The following WDFY4 variants were observed in gnomAD, a reference collection of about 807,000 sequenced individuals.
The protein encoded by WDFY4 is WD repeat- and FYVE domain-containing protein 4.
WDFY4 carries 169 observed loss-of-function variants against 351.9 expected under a neutral mutation model. The observed-to-expected ratio is 0.48, with a 90% CI of 0.42 to 0.55. The LOEUF (loss-of-function observed/expected upper bound fraction) is 0.55. WDFY4 is among the 20% of genes least tolerant of loss of function. The probability of loss-of-function intolerance (pLI) is 0.00; values close to 1 mark genes in which losing one functional copy is unlikely to be tolerated. For synonymous variants in WDFY4, 1,622 were observed against 1,574.6 expected (o/e 1.03, Z -0.71); for missense variants, 3,803 against 3,935.6 (o/e 0.97, Z 0.90).
At chr10:48,834,278 A>C (rs113659751) in intron 39 of WDFY4, among the ~76,000 whole-genome samples, 1 of 152,214 alleles carries the variant, frequency 6.6e-6, no homozygotes, top group African/African-American at 2.4e-5. Flanking sequence ...TCTGAAAAAA[A>C]AAAAGAAAGT....
intron 35 of WDFY4, 60 bp from the exon 36 acceptor site, chr10:48,826,611 T>C (rs773326567): frequency 6.2e-5 from 80 of 1,291,548 alleles, no homozygotes; most frequent in Non-Finnish European, 8.7e-5. Context: ...ACTGGATCTG[T>C]ATCTAAAATT....
intron 25 of WDFY4, 102 bp from the exon 26 acceptor site, chr10:48,805,158 G>A (rs781424411): frequency 3.7e-5 from 49 of 1,321,014 alleles, no homozygotes; most frequent in Admixed American, 4.9e-5. Flanking sequence ...GAGTTAAGGG[G>A]CCATGGAACA....
chr10:48,736,252 A>G (rs1281956367), intron 11 of WDFY4, 182 bp downstream of exon 11: 1 of 685,702 alleles, frequency 1.5e-6, no homozygotes, highest in African/African-American at 1.8e-5. Flanking sequence ...AGCCTGGTAC[A>G]TTTGAAATTT....
At chr10:48,857,938 C>T (rs973219702) in intron 39 of WDFY4, among the ~76,000 whole-genome samples, 1 of 151,990 alleles carries the variant, frequency 6.6e-6, no homozygotes, top group South Asian at 2.1e-4. Context: ...ATTACTGGCA[C>T]CTGCCACCAT....
At chr10:48,821,274 G>T in intron 34 of WDFY4, 98 bp downstream of exon 34, 1 of 952,704 alleles carries the variant, frequency 1.0e-6, no homozygotes, top group Non-Finnish European at 1.6e-6. Context: ...CTAGCTGTGG[G>T]ATGCTGCCTC....
intron 24 of WDFY4, among the ~76,000 whole-genome samples, chr10:48,802,178 T>C (rs1479647206): frequency 6.6e-6 from 1 of 151,834 alleles, no homozygotes; most frequent in Admixed American, 6.6e-5. Flanking sequence ...AATTAGAGAC[T>C]AGCCTGGGCA....
intron 30 of WDFY4, 81 bp from the exon 31 acceptor site, chr10:48,813,876 A>T (rs1565228624): frequency 7.2e-7 from 1 of 1,394,612 alleles, no homozygotes; most frequent in Non-Finnish European, 9.3e-7. Context: ...GAACCCCTGG[A>T]AACATGATGA....
At chr10:48,864,174 A>G (rs2069451685) in intron 39 of WDFY4, among the ~76,000 whole-genome samples, 1 of 152,204 alleles carries the variant, frequency 6.6e-6, no homozygotes, top group Admixed American at 6.5e-5. Context: ...GAGATCATGC[A>G]GATGTACTTT....
chr10:48,721,256 T>C lies in WDFY4; in HGVS notation c.350-5T>C. The C allele has an allele frequency of 1.9e-6, 3 of 1,551,550 alleles. No individual in the cohort carries two copies. The highest frequency in any genetic ancestry group is 2.6e-6 in the Non-Finnish European group (3 of 1,146,902). On this transcript the variant is annotated splice_region_variant and splice_polypyrimidine_tract_variant and intron_variant, in intron 3 of 61. Transcript: ENST00000325239. Reference sequence around the variant, plus strand: ...GTATGCCCTGCTGGTGACACTTTCTTCCAGAGCAAGCTCGGTTGGCAGCTG... The same window carrying C: ...GTATGCCCTGCTGGTGACACTTTCTCCCAGAGCAAGCTCGGTTGGCAGCTG...
chr10:48,687,781 ATT>A (rs35915325), intron 1 of WDFY4, among the ~76,000 whole-genome samples: 104 of 108,202 alleles, frequency 9.6e-4, no homozygotes, highest in Admixed American at 1.3e-3. Flanking sequence ...CACCTGGCTA[ATT>A]TTTTTTTTTT....
chr10:48,835,735 T>C (rs1352129990), intron 39 of WDFY4, among the ~76,000 whole-genome samples: 1 of 152,222 alleles, frequency 6.6e-6, no homozygotes, highest in Admixed American at 6.5e-5. Context: ...ATACATACCC[T>C]CTCCCTGGCT....
intron 47 of WDFY4, among the ~76,000 whole-genome samples, chr10:48,914,718 C>T (rs1838345761): frequency 6.6e-6 from 1 of 152,162 alleles, no homozygotes. Context: ...TCTCACATCC[C>T]TCTTCCCCTC....
At chr10:48,884,336 A>G (rs1051936768) in intron 43 of WDFY4, 1 of 152,114 alleles carries the variant, frequency 6.6e-6, no homozygotes, top group African/African-American at 2.4e-5. Flanking sequence ...AATCTCCATG[A>G]CTTTCTGAAA....
At position 48,780,103 on chromosome 10, in the gene WDFY4, T is replaced by G. The variant is rs917239998; in HGVS notation, c.3560T>G (p.Val1187Gly). The G allele has an allele frequency of 9.7e-6, 15 of 1,551,904 alleles. No individual in the cohort carries two copies. In the African/African-American group the frequency reaches 1.1e-4, roughly 11 times the overall value. ...CTVSTCLDGQ[V>G]IGSAKMLYIQ... ...GTTTCCACCTGTCTGGATGGACAGG[T>G]CATTGGCTCTGCCAAGGTGAGATGG... The change falls in exon 19 of 62, where the codon GTC (valine) becomes GGC (glycine). Residue 1187 changes from valine (V) to glycine (G), a missense_variant. By Grantham distance (109) the Val-to-Gly change is moderately radical. Coordinates refer to ENST00000325239, the MANE Select transcript of WDFY4 (RefSeq NM_001394531.1).
chr10:48,951,631 A>G (rs188970710), intron 51 of WDFY4, among the ~76,000 whole-genome samples: 4 of 152,378 alleles, frequency 2.6e-5, no homozygotes, highest in African/African-American at 9.6e-5. Context: ...AAGAAACAAA[A>G]AAAAGCACAC....
chr10:48,896,666 C>G (rs953691354), intron 44 of WDFY4, among the ~76,000 whole-genome samples: 1 of 152,180 alleles, frequency 6.6e-6, no homozygotes, highest in Non-Finnish European at 1.5e-5. Context: ...CCACTCCCTC[C>G]TCTTCCCTGT....
intron 60 of WDFY4, 60 bp from the exon 61 acceptor site, chr10:48,981,307 C>T: frequency 1.4e-6 from 2 of 1,452,552 alleles, no homozygotes; most frequent in Non-Finnish European, 1.9e-6. Flanking sequence ...TGTGCAGATG[C>T]ACACTGTATG....
intron 11 of WDFY4, 56 bp from the exon 12 acceptor site, chr10:48,742,912 C>CTCAG: frequency 1.4e-6 from 2 of 1,464,260 alleles, no homozygotes; most frequent in Non-Finnish European, 1.8e-6. Context: ...TGTGTGTGGG[C>CTCAG]TCAGGGTTAA....
rs534771780 is a variant in WDFY4 at position 48,758,877 on chromosome 10, A to G, written c.2460-1470A>G. On this transcript the variant is annotated intron_variant, in intron 12 of 61. Transcript: ENST00000325239. ...GTCTGATAGTTCCAACATCTGTGACATCTCAGCATTGGCATTTGTTGGTTG... is the reference window on the plus strand; with the variant it reads ...GTCTGATAGTTCCAACATCTGTGACGTCTCAGCATTGGCATTTGTTGGTTG... 4.6e-5 allele frequency among the ~76,000 whole-genome samples: 7 copies of G among 152,346 alleles called. No homozygotes were observed. The South Asian group carries it at 1.2e-3, about 27-fold the overall frequency.
Sources: gnomAD v4.1 joint callset for allele counts (sites outside exome capture counted in the v4.1 genomes callset) on GRCh38, gnomAD v4.1.1 for gene constraint, MANE v1.5 for transcripts, NCBI Gene and HGNC (gene_info 2026-07-23, HGNC 2026-07-21) for gene names.